PKIA: variants seen among roughly 807,000 people sequenced by gnomAD.
PKIA encodes the protein PKI-alpha.
A neutral mutation model predicts 7.6 loss-of-function variants in PKIA; 4 were observed. That is an observed-to-expected ratio of 0.52 (90% confidence interval 0.26 to 1.20). The LOEUF (loss-of-function observed/expected upper bound fraction) is 1.20, where lower values mean the gene tolerates loss of function less well. Ranked by LOEUF, PKIA falls within the 50% of genes most tolerant of loss-of-function variation. The pLI is 0.13. For missense variants in PKIA, 73 were observed against 86.2 expected (o/e 0.85, Z 0.61); for synonymous variants, 21 against 30.7 (o/e 0.68, Z 1.04).
chr8:78,565,560 C>T (rs1563581771), intron 1 of PKIA, among the ~76,000 whole-genome samples: 1 of 151,926 alleles, frequency 6.6e-6, no homozygotes, highest in Admixed American at 6.6e-5. Flanking sequence ...TAATTATTTG[C>T]ATAGTTAGAA....
At chr8:78,552,329 TAA>T (rs34033112) in intron 1 of PKIA, among the ~76,000 whole-genome samples, 12,171 of 137,102 alleles carry the variant, frequency 0.089, 561 homozygotes, top group Middle Eastern at 0.18. Context: ...ACCATTTTCT[TAA>T]AAAAAAAAAA....
chr8:78,549,020 G>A (rs1000716981), intron 1 of PKIA, among the ~76,000 whole-genome samples: 23 of 151,722 alleles, frequency 1.5e-4, no homozygotes, highest in Admixed American at 9.9e-4. Flanking sequence ...ACATTTCTAC[G>A]GTGTCTTAAA....
At chr8:78,573,983 A>G (rs1807616241) in intron 2 of PKIA, among the ~76,000 whole-genome samples, 1 of 152,018 alleles carries the variant, frequency 6.6e-6, no homozygotes, top group Non-Finnish European at 1.5e-5. Context: ...TAGTTCTGAG[A>G]CTGCTTTTTA....
intron 2 of PKIA, among the ~76,000 whole-genome samples, chr8:78,587,826 AT>A (rs1485560207): frequency 1.4e-4 from 21 of 152,230 alleles, no homozygotes; most frequent in Non-Finnish European, 2.8e-4. Context: ...TCTTAAGTTT[AT>A]AAAAAATATT....
At chr8:78,577,225 A>G (rs1807695701) in intron 2 of PKIA, among the ~76,000 whole-genome samples, 1 of 151,988 alleles carries the variant, frequency 6.6e-6, no homozygotes, top group South Asian at 2.1e-4. Context: ...CATTTACATT[A>G]GGTATATCTC....
intron 1 of PKIA, among the ~76,000 whole-genome samples, chr8:78,537,859 C>A (rs1281049544): frequency 1.3e-5 from 2 of 152,042 alleles, no homozygotes; most frequent in Non-Finnish European, 2.9e-5. Flanking sequence ...ATTGACAGTT[C>A]TTTTGAACCA....
At chr8:78,569,721 A>G (rs1467949514) in intron 1 of PKIA, among the ~76,000 whole-genome samples, 1 of 152,196 alleles carries the variant, frequency 6.6e-6, no homozygotes, top group Admixed American at 6.5e-5. Flanking sequence ...TTTAAATAAG[A>G]TATCACATAA....
intron 1 of PKIA, among the ~76,000 whole-genome samples, chr8:78,524,776 A>T (rs1218096803): frequency 6.6e-6 from 1 of 151,990 alleles, no homozygotes; most frequent in Non-Finnish European, 1.5e-5. Context: ...AGCATCATAT[A>T]CTAAGCATTC....
intron 1 of PKIA, chr8:78,534,652 G>C (rs574401904): frequency 7.2e-5 from 11 of 152,110 alleles, no homozygotes; most frequent in African/African-American, 2.4e-4. Flanking sequence ...GCTCTCAAAG[G>C]GTCCCCAGTG....
chr8:78,587,919 C>T (rs963370715), intron 2 of PKIA, among the ~76,000 whole-genome samples: 2 of 152,008 alleles, frequency 1.3e-5, no homozygotes, highest in African/African-American at 2.4e-5. Flanking sequence ...TGTATGACCT[C>T]GATCAAGTTA....
At chr8:78,547,062 A>G (rs1806840973) in intron 1 of PKIA, among the ~76,000 whole-genome samples, 1 of 152,160 alleles carries the variant, frequency 6.6e-6, no homozygotes, top group East Asian at 1.9e-4. Flanking sequence ...TGAAGGTTTG[A>G]ATCAGAAAAG....
chr8:78,566,298 T>C (rs147503084), intron 1 of PKIA, among the ~76,000 whole-genome samples: 5,531 of 152,204 alleles, frequency 0.036, 152 homozygotes, highest in South Asian at 0.07. Context: ...TTATGAAACA[T>C]GTCTTTGTTG....
chr8:78,529,478 T>C (rs1297283465), intron 1 of PKIA, among the ~76,000 whole-genome samples: 2 of 152,078 alleles, frequency 1.3e-5, no homozygotes, highest in African/African-American at 4.8e-5. Flanking sequence ...AGAGTTTCTA[T>C]GTCAGTTTTC....
chr8:78,553,506 T>C (rs1022488483), intron 1 of PKIA, among the ~76,000 whole-genome samples: 1 of 152,044 alleles, frequency 6.6e-6, no homozygotes, highest in African/African-American at 2.4e-5. Flanking sequence ...GAATTGGTTA[T>C]TTGACTGCTG....
Position 78,528,486 on chromosome 8 carries a change from G to A in PKIA, c.-157+12018G>A, listed in dbSNP as rs1044623373. ...AAGATATAAGCACAATAGAAGTGAT[G>A]TTTCTAAAATTAACTCTGGAATACA... is the stretch of plus-strand genomic sequence containing the variant. On this transcript the variant is annotated intron_variant, in intron 1 of 3. Transcript: ENST00000396418. Among the ~76,000 whole-genome samples, 3 of 152,026 alleles carry A rather than the reference G, an allele frequency of 2.0e-5. No individual in the cohort carries two copies. In the South Asian group the frequency reaches 6.2e-4, roughly 32 times the overall value.
chr8:78,541,411 C>G (rs1026983757), intron 1 of PKIA, among the ~76,000 whole-genome samples: 4 of 152,190 alleles, frequency 2.6e-5, no homozygotes, highest in African/African-American at 9.6e-5. Context: ...CAACAGCTGT[C>G]AGGTGGAAAT....
At chr8:78,598,640 A>T in intron 3 of PKIA, 105 bp downstream of exon 3, 1 of 849,158 alleles carries the variant, frequency 1.2e-6, no homozygotes, top group Non-Finnish European at 1.9e-6. Flanking sequence ...AATCTAATGT[A>T]AAGAGTTTTA....
Position 78,516,476 on chromosome 8 carries a change from GC to G in PKIA, c.-157+11del, listed in dbSNP as rs1809316783. 1 of 152,344 alleles carries G rather than the reference GC, an allele frequency of 6.6e-6. No individual in the cohort carries two copies. Among genetic ancestry groups the G allele is most frequent in the Non-Finnish European group, 1.5e-5 (1 of 68,142 alleles). The allele number at this position is 152,344 out of a possible 1,614,324, so 9.4% of individuals were successfully genotyped here. A position where few individuals can be genotyped will look rare whatever the true frequency, so the allele number is the denominator to read the frequency against. Reference sequence around the variant, plus strand: ...TGACTAGGTCCGGGGAAGGTAAGCAGCCCGGCACCGGTGCGCCCTGGCCGCA... The same window carrying G: ...TGACTAGGTCCGGGGAAGGTAAGCAGCCGGCACCGGTGCGCCCTGGCCGCA... On this transcript the variant is annotated intron_variant, in intron 1 of 3. Transcript: ENST00000396418.
Position 78,578,474 on chromosome 8 carries a change from T to C in PKIA, c.-28+5535T>C, listed in dbSNP as rs186855355. Among the ~76,000 whole-genome samples, 169 of 152,098 alleles carry C rather than the reference T, an allele frequency of 1.1e-3. 1 individual carries two copies. Among genetic ancestry groups the C allele is most frequent in the Non-Finnish European group, 1.6e-3 (109 of 67,950 alleles). On this transcript the variant is annotated intron_variant, in intron 2 of 3. Transcript: ENST00000396418. The stretch of plus-strand genomic sequence containing the variant: ...TCAAATCATGTTCTACCTAAATTCT[T>C]GATGCCTTTTTCACATTTCCAGTTC...
Sources: allele counts gnomAD v4.1 joint callset (sites outside exome capture counted in the v4.1 genomes callset), GRCh38; gene constraint gnomAD v4.1.1; transcripts MANE v1.5; gene names NCBI Gene and HGNC (gene_info 2026-07-23, HGNC 2026-07-21).